APBB2: variants seen among roughly 807,000 people sequenced by gnomAD.
APBB2 encodes Fe65-like 1.
Under a neutral mutation model 82.5 loss-of-function variants are expected in APBB2, and 38 were observed. That is an observed-to-expected ratio of 0.46 (90% CI 0.36 to 0.60). The LOEUF is 0.60. APBB2 is among the 20% of genes least tolerant of loss of function. The pLI is 0.00. For synonymous variants in APBB2, 341 were observed against 368.2 expected, an observed-to-expected ratio of 0.93 and a Z score of 0.85; for missense variants, 772 against 972.3, an observed-to-expected ratio of 0.79 and a Z score of 2.74.
chr4:41,011,146 TTG>T (rs1267304066), intron 6 of APBB2, among the ~76,000 whole-genome samples: 2 of 146,436 alleles, frequency 1.4e-5, no homozygotes, highest in African/African-American at 5.5e-5. Flanking sequence ...TTGATTATTA[TTG>T]TTTTTTTTTT....
intron 3 of APBB2, among the ~76,000 whole-genome samples, chr4:41,068,071 G>A (rs1732551962): frequency 6.6e-6 from 1 of 152,166 alleles, no homozygotes; most frequent in African/African-American, 2.4e-5. Context: ...GATATTAGAA[G>A]GAAAGTACAG....
intron 5 of APBB2, among the ~76,000 whole-genome samples, chr4:41,015,936 A>G (rs1015318175): frequency 1.7e-4 from 26 of 152,146 alleles, no homozygotes; most frequent in African/African-American, 6.3e-4. Context: ...TTAAAAAAAA[A>G]CAATTTTTAT....
At position 40,830,912 on chromosome 4, in the gene APBB2, A is replaced by AAAAACC. The variant is rs1751638780; in HGVS notation, c.1530-341_1530-336dup. On this transcript the variant is annotated intron_variant, in intron 12 of 17. Transcript: ENST00000508593. ...GCAACACAGTGAAACCACTATCAAA[A>AAAAACC]AAAACCAAAACCAAAAAAAAACAAA... Among the ~76,000 whole-genome samples the AAAAACC allele has an allele frequency of 2.0e-5, 3 of 152,268 alleles. No individual in the cohort carries two copies. In the South Asian group the frequency reaches 6.2e-4, roughly 32 times the overall value.
chr4:40,897,095 C>T (rs909676368), intron 10 of APBB2, among the ~76,000 whole-genome samples: 11 of 152,232 alleles, frequency 7.2e-5, no homozygotes, highest in African/African-American at 2.7e-4. Context: ...GCTGTTTTCT[C>T]TCCTTGGAAT....
chr4:40,861,967 C>T (rs888139247), intron 12 of APBB2, among the ~76,000 whole-genome samples: 4 of 152,092 alleles, frequency 2.6e-5, no homozygotes. Context: ...AGTTTATTTA[C>T]AAAATACTGT....
chr4:40,840,455 A>G (rs140798700), intron 12 of APBB2, among the ~76,000 whole-genome samples: 1 of 152,360 alleles, frequency 6.6e-6, no homozygotes, highest in African/African-American at 2.4e-5. Context: ...TGGCCAATCC[A>G]GAATGACCCC....
At chr4:41,117,958 G>C (rs1395294258) in intron 2 of APBB2, 2 of 152,102 alleles carry the variant, frequency 1.3e-5, no homozygotes, top group Admixed American at 1.3e-4. Context: ...TGTAATCCCA[G>C]CACTTTGAGA....
At chr4:40,927,656 A>AT (rs1782967907) in intron 10 of APBB2, among the ~76,000 whole-genome samples, 1 of 151,992 alleles carries the variant, frequency 6.6e-6, no homozygotes, top group Non-Finnish European at 1.5e-5. Flanking sequence ...TAATATTTGC[A>AT]TTTTTTGTAG....
chr4:40,942,354 G>A (rs1411898065), intron 7 of APBB2, among the ~76,000 whole-genome samples: 2 of 152,188 alleles, frequency 1.3e-5, no homozygotes, highest in African/African-American at 4.8e-5. Flanking sequence ...GGTACAGTGA[G>A]CAGCAGAAGA....
At chr4:41,184,491 C>T (rs73810850) in intron 1 of APBB2, among the ~76,000 whole-genome samples, 1 of 152,294 alleles carries the variant, frequency 6.6e-6, no homozygotes, top group African/African-American at 2.4e-5. Flanking sequence ...TGGGCTTAGA[C>T]CACTCTGCCC....
At chr4:40,945,633 G>A (rs1788165197) in intron 6 of APBB2, among the ~76,000 whole-genome samples, 1 of 152,040 alleles carries the variant, frequency 6.6e-6, no homozygotes, top group South Asian at 2.1e-4. Flanking sequence ...TTTTTTTCAA[G>A]ATGGAGTCTT....
chr4:41,025,399 C>G (rs1256103750), intron 5 of APBB2, among the ~76,000 whole-genome samples: 1 of 151,976 alleles, frequency 6.6e-6, no homozygotes, highest in Non-Finnish European at 1.5e-5. Context: ...CACTTATATG[C>G]TGTCGGTGGG....
chr4:41,059,649 C>A (rs1320896015), intron 4 of APBB2, among the ~76,000 whole-genome samples: 2 of 152,264 alleles, frequency 1.3e-5, no homozygotes, highest in African/African-American at 4.8e-5. Context: ...CTAGCCCAAC[C>A]TATTTCTTTA....
At chr4:40,831,497 C>G (rs1751888912) in intron 12 of APBB2, among the ~76,000 whole-genome samples, 1 of 152,136 alleles carries the variant, frequency 6.6e-6, no homozygotes, top group Non-Finnish European at 1.5e-5. Context: ...TTCACAGAAC[C>G]CTTCTATCTA....
intron 2 of APBB2, among the ~76,000 whole-genome samples, chr4:41,135,226 A>G (rs540181760): frequency 6.6e-6 from 1 of 151,708 alleles, no homozygotes; most frequent in African/African-American, 2.4e-5. Flanking sequence ...CATGGTTACT[A>G]TGATTCTAAA....
At chr4:41,045,289 TTTTTG>T (rs150851697) in intron 4 of APBB2, among the ~76,000 whole-genome samples, 11,961 of 151,956 alleles carry the variant, frequency 0.079, 1,518 homozygotes, top group African/African-American at 0.27. Flanking sequence ...TTTAATCATT[TTTTTG>T]TTTTGTTTTG....
At chr4:41,054,148 T>G (rs1426278554) in intron 4 of APBB2, among the ~76,000 whole-genome samples, 10 of 152,150 alleles carry the variant, frequency 6.6e-5, no homozygotes, top group Non-Finnish European at 1.3e-4. Flanking sequence ...TGTCACCTCA[T>G]GGTGACATGA....
intron 3 of APBB2, among the ~76,000 whole-genome samples, chr4:41,084,318 G>C (rs1001515408): frequency 6.6e-6 from 1 of 152,144 alleles, no homozygotes; most frequent in Admixed American, 6.5e-5. Context: ...CAGCTAATTA[G>C]GAGGCTGAAG....
chr4:41,038,108 A>G (rs1719956109), intron 4 of APBB2, among the ~76,000 whole-genome samples: 1 of 152,102 alleles, frequency 6.6e-6, no homozygotes, highest in Non-Finnish European at 1.5e-5. Context: ...AAAATTCTTA[A>G]TGCTGATATG....
Sources: gnomAD v4.1 joint callset for allele counts (sites outside exome capture counted in the v4.1 genomes callset) on GRCh38, gnomAD v4.1.1 for gene constraint, MANE v1.5 for transcripts, NCBI Gene and HGNC (gene_info 2026-07-23, HGNC 2026-07-21) for gene names.